FBXO15: variants seen among roughly 807,000 people sequenced by gnomAD.
FBXO15 encodes F-box only protein 15.
Under a neutral mutation model 49.5 loss-of-function variants are expected in FBXO15, and 30 were observed. The ratio of observed to expected loss-of-function variants is 0.61; its 90% CI spans 0.45 to 0.82. FBXO15 has a LOEUF of 0.82. Among genes scored for constraint, FBXO15 ranks in the 40% least tolerant of loss-of-function variants. The pLI, the probability that FBXO15 is intolerant of heterozygous loss-of-function variation, is 0.00. For missense variants in FBXO15, 591 were observed against 631.5 expected, an observed-to-expected ratio of 0.94 and a Z score of 0.69; for synonymous variants, 250 against 232.7, an observed-to-expected ratio of 1.07 and a Z score of -0.68.
chr18:74,130,673 G>A lies in FBXO15; in HGVS notation c.333-15C>T. Reference sequence around the variant, plus strand: ...TCCAAATAAAACTGGAGGGAAAAGAGGAAATATGTTAACTAAGAGACACTG... The same window carrying A: ...TCCAAATAAAACTGGAGGGAAAAGAAGAAATATGTTAACTAAGAGACACTG... On this transcript the variant is annotated splice_polypyrimidine_tract_variant and intron_variant, in intron 3 of 9. Coordinates refer to ENST00000419743, the MANE Select transcript of FBXO15 (RefSeq NM_001142958.2). The A allele has an allele frequency of 6.2e-7, 1 of 1,605,770 alleles. No individual in the cohort carries two copies. The highest frequency in any genetic ancestry group is 8.5e-7 in the Non-Finnish European group (1 of 1,175,072).
At chr18:74,146,105 C>T (rs1275239691) in intron 1 of FBXO15, among the ~76,000 whole-genome samples, 14 of 152,174 alleles carry the variant, frequency 9.2e-5, no homozygotes. Context: ...AACCTAATGA[C>T]TGTGCTTCAT....
intron 8 of FBXO15, among the ~76,000 whole-genome samples, chr18:74,095,411 G>C (rs533306835): frequency 6.6e-6 from 1 of 152,300 alleles, no homozygotes; most frequent in South Asian, 2.1e-4. Context: ...TGAATGCTTA[G>C]AGGCCACTGT....
At chr18:74,093,265 G>GGT (rs1555676381) in intron 8 of FBXO15, among the ~76,000 whole-genome samples, 1 of 130,090 alleles carries the variant, frequency 7.7e-6, no homozygotes, top group Admixed American at 7.9e-5. Context: ...CAAAACAATG[G>GGT]GGGGGGGGTG....
chr18:74,107,519 A>G (rs776641220), intron 8 of FBXO15, among the ~76,000 whole-genome samples: 20 of 152,198 alleles, frequency 1.3e-4, no homozygotes, highest in Non-Finnish European at 2.6e-4. Context: ...ACTGTCCCAA[A>G]ATTGGAGAGA....
intron 2 of FBXO15, among the ~76,000 whole-genome samples, chr18:74,138,421 G>A (rs956496876): frequency 3.3e-5 from 5 of 152,086 alleles, no homozygotes; most frequent in African/African-American, 1.2e-4. Context: ...CTCTTGTGTT[G>A]CAGGCTCTCT....
intron 8 of FBXO15, among the ~76,000 whole-genome samples, chr18:74,108,539 A>G (rs745840075): frequency 1.6e-4 from 25 of 152,030 alleles, no homozygotes; most frequent in Non-Finnish European, 2.5e-4. Flanking sequence ...AAAAAACAGA[A>G]CAGAATATCC....
At chr18:74,086,535 C>CA (rs1912747107) in intron 8 of FBXO15, among the ~76,000 whole-genome samples, 1 of 152,102 alleles carries the variant, frequency 6.6e-6, no homozygotes, top group South Asian at 2.1e-4. Context: ...TTCAGCCCCC[C>CA]AAGTAGCTGG....
At chr18:74,078,337 C>CT (rs1912340098) in intron 9 of FBXO15, among the ~76,000 whole-genome samples, 1 of 148,822 alleles carries the variant, frequency 6.7e-6, no homozygotes, top group African/African-American at 2.5e-5. Context: ...AGGCCCCCCC[C>CT]CGACCTGCCC....
intron 8 of FBXO15, among the ~76,000 whole-genome samples, chr18:74,102,574 T>C (rs1913570498): frequency 1.3e-5 from 2 of 152,174 alleles, no homozygotes. Context: ...AAAGTAGAAC[T>C]ACCATTTGAT....
chr18:74,073,450 G>A lies in FBXO15; in HGVS notation c.*11C>T, dbSNP rs777544490. On this transcript the variant is annotated 3_prime_UTR_variant, in exon 10 of 10. Coordinates refer to ENST00000419743, the MANE Select transcript of FBXO15 (RefSeq NM_001142958.2). ...AACAACTAAATAACAACAATAATTT[G>A]CCACCTACTGCTAATATTCAGTCCC... 1.6e-5 allele frequency: 26 copies of A among 1,602,154 alleles called. No homozygotes were observed. Among genetic ancestry groups the A allele is most frequent in the Non-Finnish European group, 2.1e-5 (25 of 1,173,948 alleles).
At chr18:74,082,138 A>C (rs1912529153) in intron 8 of FBXO15, 87 bp from the exon 9 acceptor site, 1 of 1,425,796 alleles carries the variant, frequency 7.0e-7, no homozygotes, top group African/African-American at 1.4e-5. Flanking sequence ...TTATAAGGAT[A>C]CCTCACCCTG....
chr18:74,093,473 C>T (rs1230621832), intron 8 of FBXO15, among the ~76,000 whole-genome samples: 2 of 152,174 alleles, frequency 1.3e-5, no homozygotes, highest in African/African-American at 2.4e-5. Context: ...GCAGGTACAG[C>T]CAAGTTGGGG....
intron 3 of FBXO15, among the ~76,000 whole-genome samples, chr18:74,134,454 C>T (rs1413634398): frequency 3.3e-5 from 5 of 151,074 alleles, no homozygotes; most frequent in African/African-American, 7.3e-5. Context: ...CTGCAAGCTC[C>T]GCCTCCCAGG....
At chr18:74,142,544 T>C (rs955784235) in intron 1 of FBXO15, among the ~76,000 whole-genome samples, 2 of 152,192 alleles carry the variant, frequency 1.3e-5, no homozygotes, top group African/African-American at 4.8e-5. Context: ...ATCATTCCTT[T>C]TTCTGGTGGT....
At chr18:74,123,866 T>C (rs1914579985) in intron 7 of FBXO15, among the ~76,000 whole-genome samples, 1 of 151,992 alleles carries the variant, frequency 6.6e-6, no homozygotes, top group African/African-American at 2.4e-5. Context: ...GAAAAGGCAC[T>C]GAATACCGAT....
At position 74,147,657 on chromosome 18, in the gene FBXO15, G is replaced by C; in HGVS notation, c.116+13C>G. On this transcript the variant is annotated intron_variant, in intron 1 of 9. Transcript: ENST00000419743. Reference sequence around the variant, plus strand: ...TCCCGCCAGGGGACCCCACCCGCAGGCCCTACAGTCACCTGCACCCAAAGG... The same window carrying C: ...TCCCGCCAGGGGACCCCACCCGCAGCCCCTACAGTCACCTGCACCCAAAGG... 4 of 1,429,616 alleles carry C rather than the reference G, an allele frequency of 2.8e-6. No individual in the cohort carries two copies. The highest frequency in any genetic ancestry group is 3.7e-6 in the Non-Finnish European group (4 of 1,095,354). 88.6% of individuals were successfully genotyped at this position (1,429,616 alleles called of 1,614,324 possible).
At chr18:74,108,834 G>C (rs1913886504) in intron 8 of FBXO15, among the ~76,000 whole-genome samples, 1 of 152,070 alleles carries the variant, frequency 6.6e-6, no homozygotes, top group Non-Finnish European at 1.5e-5. Flanking sequence ...TACCTATACA[G>C]GACCAAAGAT....
chr18:74,125,597 T>C (rs1183775492), intron 6 of FBXO15, among the ~76,000 whole-genome samples: 1 of 151,770 alleles, frequency 6.6e-6, no homozygotes, highest in East Asian at 1.9e-4. Context: ...GAACACATAG[T>C]AAGGGAAATG....
chr18:74,135,147 C>A (rs545503720), intron 3 of FBXO15, among the ~76,000 whole-genome samples: 1 of 152,270 alleles, frequency 6.6e-6, no homozygotes, highest in South Asian at 2.1e-4. Context: ...TTCTCCCCTT[C>A]CTTCCTAGAT....
Sources: gnomAD v4.1 joint callset for allele counts (sites outside exome capture counted in the v4.1 genomes callset) on GRCh38, gnomAD v4.1.1 for gene constraint, MANE v1.5 for transcripts, NCBI Gene and HGNC (gene_info 2026-07-23, HGNC 2026-07-21) for gene names.